Variants in ADAMTSL1 observed in about 807,000 individuals in gnomAD.
ADAMTSL1 encodes ADAMTS-like protein 1.
ADAMTSL1 carries 126 observed loss-of-function variants against 201.8 expected under a neutral mutation model. That is an observed-to-expected ratio of 0.62 (90% confidence interval 0.54 to 0.72). The LOEUF (loss-of-function observed/expected upper bound fraction) is 0.72. Among genes scored for constraint, ADAMTSL1 ranks in the 30% least tolerant of loss-of-function variants. The pLI is 0.00. For missense variants in ADAMTSL1, 2,679 were observed against 2,277.8 expected, an observed-to-expected ratio of 1.18 and a Z score of -3.59; for synonymous variants, 1,121 against 903.4, an observed-to-expected ratio of 1.24 and a Z score of -4.32.
intron 5 of ADAMTSL1, among the ~76,000 whole-genome samples, chr9:18,632,103 A>G (rs1248187112): frequency 6.6e-6 from 1 of 152,204 alleles, no homozygotes; most frequent in Non-Finnish European, 1.5e-5. Context: ...TACTAATGGC[A>G]TTAATCACCA....
intron 2 of ADAMTSL1, among the ~76,000 whole-genome samples, chr9:18,196,039 G>A (rs1040331084): frequency 1.3e-5 from 2 of 152,064 alleles, no homozygotes; most frequent in Non-Finnish European, 1.5e-5. Flanking sequence ...AAATAAGTTT[G>A]TATATTTTAG....
intron 4 of ADAMTSL1, among the ~76,000 whole-genome samples, chr9:18,599,264 G>A (rs1433471779): frequency 1.3e-5 from 2 of 152,184 alleles, no homozygotes; most frequent in African/African-American, 4.8e-5. Context: ...CTTTGCTTGG[G>A]TAAAAATACA....
At chr9:18,047,465 C>G (rs556366332) in intron 1 of ADAMTSL1, among the ~76,000 whole-genome samples, 9 of 152,222 alleles carry the variant, frequency 5.9e-5, no homozygotes, top group Admixed American at 4.6e-4. Context: ...GTCAATAATA[C>G]CAAGGCTGAG....
chr9:18,519,218 T>C (rs1031883224), intron 2 of ADAMTSL1, among the ~76,000 whole-genome samples: 8 of 152,246 alleles, frequency 5.3e-5, no homozygotes, highest in Non-Finnish European at 8.8e-5. Context: ...CTAATTACAT[T>C]ATCAGTGTTA....
intron 2 of ADAMTSL1, among the ~76,000 whole-genome samples, chr9:18,216,363 G>A (rs1288127531): frequency 6.6e-6 from 1 of 152,208 alleles, no homozygotes; most frequent in African/African-American, 2.4e-5. Flanking sequence ...AGGCTGGAAG[G>A]AGAAATTCTG....
At chr9:18,388,558 G>A (rs148885242) in intron 2 of ADAMTSL1, among the ~76,000 whole-genome samples, 303 of 151,418 alleles carry the variant, frequency 2.0e-3, no homozygotes, top group African/African-American at 7.0e-3. Flanking sequence ...ACAGGCCTGA[G>A]CCACCATGTT....
At chr9:18,395,908 A>G (rs1817735159) in intron 2 of ADAMTSL1, among the ~76,000 whole-genome samples, 1 of 152,198 alleles carries the variant, frequency 6.6e-6, no homozygotes, top group Non-Finnish European at 1.5e-5. Context: ...AGGAAGTACA[A>G]GACCCCTATA....
intron 2 of ADAMTSL1, among the ~76,000 whole-genome samples, chr9:18,183,721 C>G (rs1453083922): frequency 6.6e-6 from 1 of 152,102 alleles, no homozygotes; most frequent in African/African-American, 2.4e-5. Context: ...CATCATGCCA[C>G]TCTAACTTAT....
At chr9:18,467,918 G>A (rs1442487640) in intron 2 of ADAMTSL1, among the ~76,000 whole-genome samples, 2 of 152,120 alleles carry the variant, frequency 1.3e-5, no homozygotes, top group African/African-American at 4.8e-5. Flanking sequence ...TCACCTTATT[G>A]TCTGGCTCTG....
intron 1 of ADAMTSL1, among the ~76,000 whole-genome samples, chr9:18,502,427 G>C (rs1564001279): frequency 6.6e-6 from 1 of 152,204 alleles, no homozygotes; most frequent in African/African-American, 2.4e-5. Flanking sequence ...GGCAAACAAA[G>C]AGTTAGATGA....
At chr9:18,594,333 C>G (rs751020793) in intron 4 of ADAMTSL1, among the ~76,000 whole-genome samples, 4 of 152,032 alleles carry the variant, frequency 2.6e-5, no homozygotes, top group Non-Finnish European at 5.9e-5. Flanking sequence ...TGATTGGTGA[C>G]TTTTGACTTT....
chr9:18,122,118 G>A (rs769158002), intron 1 of ADAMTSL1, among the ~76,000 whole-genome samples: 1 of 152,134 alleles, frequency 6.6e-6, no homozygotes, highest in Non-Finnish European at 1.5e-5. Context: ...CTTGGAGTTT[G>A]ACATGGAGTC....
At chr9:18,795,928 C>T (rs4453328) in intron 20 of ADAMTSL1, among the ~76,000 whole-genome samples, 37,885 of 152,096 alleles carry the variant, frequency 0.25, 4,838 homozygotes, top group Admixed American at 0.31. Context: ...GCAAGAAAGA[C>T]TACGACCCAT....
intron 1 of ADAMTSL1, among the ~76,000 whole-genome samples, chr9:18,008,400 C>CT (rs1028826837): frequency 1.3e-5 from 2 of 151,920 alleles, no homozygotes; most frequent in Non-Finnish European, 2.9e-5. Context: ...AACAAACAAA[C>CT]TTTTTTACCA....
chr9:18,371,646 A>G (rs1174967431), intron 2 of ADAMTSL1, among the ~76,000 whole-genome samples: 2 of 152,246 alleles, frequency 1.3e-5, no homozygotes, highest in African/African-American at 4.8e-5. Context: ...AGAAGCATGA[A>G]ATACATGCCC....
intron 3 of ADAMTSL1, among the ~76,000 whole-genome samples, chr9:18,549,753 C>T (rs1307448932): frequency 6.6e-6 from 1 of 151,964 alleles, no homozygotes; most frequent in East Asian, 1.9e-4. Flanking sequence ...GACACTGTGA[C>T]AGTCCCCAAG....
At chr9:18,313,001 GTTC>G (rs1310780257) in intron 2 of ADAMTSL1, among the ~76,000 whole-genome samples, 2 of 152,162 alleles carry the variant, frequency 1.3e-5, no homozygotes, top group Non-Finnish European at 2.9e-5. Flanking sequence ...GATAATAAAG[GTTC>G]TTCTTTTATA....
intron 20 of ADAMTSL1, among the ~76,000 whole-genome samples, chr9:18,804,920 G>A (rs79117085): frequency 0.015 from 2,293 of 152,278 alleles, 35 homozygotes; most frequent in South Asian, 0.079. Context: ...AGTTTAGGGT[G>A]TTAAAAATGT....
chr9:17,932,662 C>G (rs149345520), intron 1 of ADAMTSL1, among the ~76,000 whole-genome samples: 1 of 152,078 alleles, frequency 6.6e-6, no homozygotes, highest in Non-Finnish European at 1.5e-5. Flanking sequence ...ATTTCTAAAT[C>G]TTTTCTGTGT....
Sources: allele counts gnomAD v4.1 joint callset (sites outside exome capture counted in the v4.1 genomes callset), GRCh38; gene constraint gnomAD v4.1.1; transcripts MANE v1.5; gene names NCBI Gene and HGNC (gene_info 2026-07-23, HGNC 2026-07-21).